The following CD99L2 variants were observed in gnomAD, a reference collection of about 807,000 sequenced individuals.
CD99L2 encodes CD99 antigen-like protein 2.
CD99L2 carries 24 observed loss-of-function variants against 27.3 expected under a neutral mutation model. The ratio of observed to expected loss-of-function variants is 0.88; its 90% confidence interval spans 0.64 to 1.24. The LOEUF is 1.24. CD99L2 is among the 50% of genes most tolerant of loss of function. The pLI is 0.00. For synonymous variants in CD99L2, 97 were observed against 87.9 expected, an observed-to-expected ratio of 1.10 and a Z score of -0.58; for missense variants, 255 against 221.6, an observed-to-expected ratio of 1.15 and a Z score of -0.96.
chrX:150,841,953 G>A (rs1247131682), intron 1 of CD99L2, among the ~76,000 whole-genome samples: 2 of 111,552 alleles, frequency 1.8e-5, no homozygotes, highest in African/African-American at 6.5e-5. Context: ...ACTAAACTCA[G>A]TTTTGGATGC....
intron 1 of CD99L2, among the ~76,000 whole-genome samples, chrX:150,884,851 C>A (rs1245700012): frequency 2.7e-5 from 3 of 111,608 alleles, no homozygotes; most frequent in Non-Finnish European, 5.6e-5. Context: ...TTAAAATGGC[C>A]CCAAACTGGA....
chrX:150,769,667 GTCTCCCTGCCTGC>G (rs1404441998), intron 10 of CD99L2, among the ~76,000 whole-genome samples: 1 of 107,297 alleles, frequency 9.3e-6, no homozygotes, highest in Non-Finnish European at 1.9e-5. Context: ...AGCTGTCCTA[GTCTCCCTGCCTGC>G]GCCACCAGGC....
chrX:150,801,645 A>G (rs1489090019), intron 4 of CD99L2, among the ~76,000 whole-genome samples: 1 of 111,520 alleles, frequency 9.0e-6, no homozygotes, highest in Non-Finnish European at 1.9e-5. Flanking sequence ...ATATAGACTA[A>G]TGTCTCTCAT....
At position 150,814,912 on chromosome X, in the gene CD99L2, G is replaced by A. The variant is rs782695723; in HGVS notation, c.227C>T (p.Ala76Val). Residue 76 changes from alanine to valine, a missense_variant, in exon 4 of 11, where the codon GCT becomes GTT. Transcript: ENST00000370377. ...PPGSGLDLADALDDQDDGRRK... is the reference protein window; with the variant it reads ...PPGSGLDLADVLDDQDDGRRK... ...GCGGCCATCATCTTGATCATCCAAA[G>A]CATCAGCCAAGTCCAATCCACTACC... 1 of 1,211,349 alleles carries A rather than the reference G, an allele frequency of 8.3e-7. No homozygotes were observed. The highest frequency in any genetic ancestry group is 1.1e-6 in the Non-Finnish European group (1 of 895,298).
intron 1 of CD99L2, among the ~76,000 whole-genome samples, chrX:150,897,863 C>A (rs7881049): frequency 0.017 from 1,871 of 110,993 alleles, 39 homozygotes; most frequent in African/African-American, 0.057. Context: ...GCAGTTCTTA[C>A]AAGCTCCCAG....
rs1474028945 is a variant in CD99L2, at chrX:150,897,664, T to A, written c.67+858A>T. Among the ~76,000 whole-genome samples the A allele has an allele frequency of 7.2e-5, 8 of 111,771 alleles. No individual in the cohort carries two copies. In the Admixed American group the frequency reaches 7.6e-4, roughly 11 times the overall value. On this transcript the variant is annotated intron_variant, in intron 1 of 10. Coordinates refer to ENST00000370377, the MANE Select transcript of CD99L2 (RefSeq NM_031462.4). ...TGTTTCCCTTAATCCCTTTTTCTGA[T>A]GGGGACATAGGATATAAATAAGTGT...
chrX:150,851,903 C>A (rs1285167119), intron 1 of CD99L2, among the ~76,000 whole-genome samples: 2 of 112,153 alleles, frequency 1.8e-5, no homozygotes, highest in Admixed American at 9.5e-5. Context: ...CATAACTTAG[C>A]CCTATTTGAA....
intron 7 of CD99L2, among the ~76,000 whole-genome samples, chrX:150,784,105 C>G (rs2045558192): frequency 9.0e-6 from 1 of 111,162 alleles, no homozygotes; most frequent in African/African-American, 3.3e-5. Context: ...AAGGAAGACT[C>G]TCCTTCTGGG....
chrX:150,771,267 C>T, intron 9 of CD99L2, among the ~76,000 whole-genome samples: 1 of 112,874 alleles, frequency 8.9e-6, no homozygotes, highest in Non-Finnish European at 1.9e-5. Flanking sequence ...ATGCCCACCA[C>T]CTGCCTGCCC....
Position 150,766,888 on chromosome X carries a change from T to C in CD99L2, c.*2146A>G, listed in dbSNP as rs1456825532. 13 of 111,659 alleles carry C rather than the reference T, an allele frequency of 1.2e-4. No homozygotes were observed. The highest frequency in any genetic ancestry group is 2.9e-4 in the African/African-American group (9 of 30,650). The allele number at this position is 111,659 out of a possible 1,213,427, so 9.2% of individuals were successfully genotyped here. On this transcript the variant is annotated 3_prime_UTR_variant, in exon 11 of 11. Coordinates refer to ENST00000370377, the MANE Select transcript of CD99L2 (RefSeq NM_031462.4). ...AGGAGCTGCCACCGGTGGGCTTGAG[T>C]GCCAGGCTCTAGGCTTTGTGCAGAA...
At chrX:150,823,112 C>A (rs964428595) in intron 2 of CD99L2, among the ~76,000 whole-genome samples, 1 of 112,084 alleles carries the variant, frequency 8.9e-6, no homozygotes, top group Non-Finnish European at 1.9e-5. Context: ...CCTGAGGCCT[C>A]CACAGCCATG....
At chrX:150,844,465 G>A (rs2046670247) in intron 1 of CD99L2, among the ~76,000 whole-genome samples, 1 of 111,583 alleles carries the variant, frequency 9.0e-6, no homozygotes. Context: ...AGAGAGGGTG[G>A]GGGCAAACCA....
At chrX:150,844,661 G>A (rs1557421422) in intron 1 of CD99L2, among the ~76,000 whole-genome samples, 1 of 112,232 alleles carries the variant, frequency 8.9e-6, no homozygotes, top group Admixed American at 9.5e-5. Flanking sequence ...CATGAAAATG[G>A]CTTTCCTCTT....
At chrX:150,816,964 G>A (rs185309863) in intron 2 of CD99L2, among the ~76,000 whole-genome samples, 9,060 of 98,532 alleles carry the variant, frequency 0.092, 480 homozygotes, top group Middle Eastern at 0.17. Flanking sequence ...ACCAAACACC[G>A]CATATTCTCA....
At position 150,770,303 on chromosome X, in the gene CD99L2, C is replaced by T. The variant is rs112455976; in HGVS notation, c.721+1G>A. ...AGGGACAGTGAGTACAAAGTTCTCA[C>T]CTTGGGGTTCCTCACATACCACGGC... On this transcript the variant is annotated splice_donor_variant, in intron 10 of 10. Coordinates refer to ENST00000370377, the MANE Select transcript of CD99L2 (RefSeq NM_031462.4). LOFTEE classifies it high-confidence loss of function. 8.3e-7 allele frequency: 1 copy of T among 1,209,631 alleles called. No homozygotes were observed. The highest frequency in any genetic ancestry group is 1.1e-6 in the Non-Finnish European group (1 of 894,360).
rs782037528 is a variant in CD99L2, at chrX:150,803,146, G to A, written c.278-7660C>T. Among the ~76,000 whole-genome samples, 4 of 110,315 alleles carry A rather than the reference G, an allele frequency of 3.6e-5. No individual in the cohort carries two copies. In the South Asian group the frequency reaches 1.2e-3, roughly 32 times the overall value. ...CCTGACCTCGTGATCTGCCCGCCTC[G>A]GCCTCCCAAAGTGCTGGGATTACGG... On this transcript the variant is annotated intron_variant, in intron 4 of 10. Transcript: ENST00000370377.
intron 7 of CD99L2, among the ~76,000 whole-genome samples, chrX:150,778,788 T>C (rs2045460415): frequency 9.5e-6 from 1 of 105,012 alleles, no homozygotes. Context: ...ATGCAGTGTA[T>C]AAAGATCCCT....
chrX:150,824,329 A>G lies in CD99L2; in HGVS notation c.130+6902T>C, dbSNP rs782259108. Among the ~76,000 whole-genome samples the G allele has an allele frequency of 2.3e-3, 198 of 86,633 alleles. 2 individuals are homozygous for G. The highest frequency in any genetic ancestry group is 7.7e-3 in the African/African-American group (164 of 21,288). The allele number at this position is 86,633 out of a possible 115,157, so 75.2% of individuals were successfully genotyped here. A position where few individuals can be genotyped will look rare whatever the true frequency, so the allele number is the denominator to read the frequency against. The stretch of plus-strand genomic sequence containing the variant: ...AGAGGAGGAGGAGGAGGAGGAGGAG[A>G]AGAAGAAGAAGAAAGAAGGAAGAAG... On this transcript the variant is annotated intron_variant, in intron 2 of 10. Transcript: ENST00000370377.
chrX:150,862,856 C>A (rs782534492), intron 1 of CD99L2, among the ~76,000 whole-genome samples: 1 of 99,518 alleles, frequency 1.0e-5, no homozygotes. Context: ...GAGAGAGAGA[C>A]AGAGAGAGAA....
Sources: allele counts gnomAD v4.1 joint callset (sites outside exome capture counted in the v4.1 genomes callset), GRCh38; gene constraint gnomAD v4.1.1; transcripts MANE v1.5; gene names NCBI Gene and HGNC (gene_info 2026-07-23, HGNC 2026-07-21).